Variants in SCNN1B observed in about 807,000 individuals in gnomAD.
SCNN1B encodes the protein epithelial sodium channel subunit beta.
A neutral mutation model predicts 65.3 loss-of-function variants in SCNN1B; 46 were observed. The observed-to-expected ratio is 0.70, with a 90% confidence interval of 0.56 to 0.90. SCNN1B has a LOEUF of 0.90. Among genes scored for constraint, SCNN1B ranks in the 40% least tolerant of loss-of-function variants. The pLI, the probability that SCNN1B is intolerant of heterozygous loss-of-function variation, is 0.00. For missense variants in SCNN1B, 751 were observed against 830.5 expected (o/e 0.90, Z 1.18); for synonymous variants, 349 against 330.6 (o/e 1.06, Z -0.60).
At chr16:23,366,264 G>A (rs1054281214) in intron 4 of SCNN1B, among the ~76,000 whole-genome samples, 3 of 152,072 alleles carry the variant, frequency 2.0e-5, no homozygotes, top group African/African-American at 7.2e-5. Context: ...GAGTACAGTG[G>A]TGCAATCACA....
chr16:23,361,544 A>G (rs529794235), intron 4 of SCNN1B, among the ~76,000 whole-genome samples: 38 of 152,324 alleles, frequency 2.5e-4, no homozygotes, highest in African/African-American at 8.7e-4. Context: ...TATTTATTCC[A>G]TCATTTATTG....
At chr16:23,367,789 G>C in intron 4 of SCNN1B, 67 bp from the exon 5 acceptor site, 1 of 1,221,012 alleles carries the variant, frequency 8.2e-7, no homozygotes. Flanking sequence ...AAAGGTGGAC[G>C]GCAGACAGTC....
chr16:23,349,232 C>A (rs895951149), intron 2 of SCNN1B, among the ~76,000 whole-genome samples: 1 of 152,130 alleles, frequency 6.6e-6, no homozygotes. Context: ...AATAACAGCA[C>A]TTTGAGAGGC....
intron 1 of SCNN1B, chr16:23,323,491 A>C: frequency 2.8e-6 from 2 of 702,218 alleles, no homozygotes; most frequent in Non-Finnish European, 5.2e-6. Flanking sequence ...GGTGCTTCAT[A>C]TTTACAATTT....
chr16:23,374,646 T>C (rs1962855601), intron 7 of SCNN1B, among the ~76,000 whole-genome samples: 1 of 149,324 alleles, frequency 6.7e-6, no homozygotes, highest in African/African-American at 2.5e-5. Context: ...CTCCTGGCCA[T>C]GCCGTTTAAT....
At chr16:23,321,195 C>T (rs917378182) in intron 1 of SCNN1B, among the ~76,000 whole-genome samples, 1 of 152,154 alleles carries the variant, frequency 6.6e-6, no homozygotes, top group South Asian at 2.1e-4. Context: ...GGGTGTGCCA[C>T]CATGGCCAGC....
chr16:23,300,394 A>T (rs1961058139), upstream of SCNN1B, among the ~76,000 whole-genome samples: 1 of 152,194 alleles, frequency 6.6e-6, no homozygotes, highest in Non-Finnish European at 1.5e-5. Flanking sequence ...AAGTTATATG[A>T]AGCTGAATTT....
At chr16:23,355,905 A>G (rs1435218242) in intron 4 of SCNN1B, among the ~76,000 whole-genome samples, 1 of 152,088 alleles carries the variant, frequency 6.6e-6, no homozygotes, top group African/African-American at 2.4e-5. Context: ...AGCCTGGGTA[A>G]TATAGTGAGA....
At chr16:23,321,630 G>T (rs1278851379) in intron 1 of SCNN1B, among the ~76,000 whole-genome samples, 1 of 152,196 alleles carries the variant, frequency 6.6e-6, no homozygotes, top group African/African-American at 2.4e-5. Flanking sequence ...ACCCCCCGGA[G>T]CATTGACTCA....
At chr16:23,329,369 G>A (rs1226355934) in intron 1 of SCNN1B, among the ~76,000 whole-genome samples, 1 of 152,116 alleles carries the variant, frequency 6.6e-6, no homozygotes, top group African/African-American at 2.4e-5. Flanking sequence ...TCCCACCTCG[G>A]CCTCCCAAAG....
chr16:23,365,653 G>T (rs949965205), intron 4 of SCNN1B, among the ~76,000 whole-genome samples: 30 of 151,346 alleles, frequency 2.0e-4, no homozygotes, highest in Non-Finnish European at 3.2e-4. Flanking sequence ...AAGGAGAGGG[G>T]GGTTGATAGG....
chr16:23,358,529 T>C (rs1350460254), intron 4 of SCNN1B: 1 of 152,182 alleles, frequency 6.6e-6, no homozygotes, highest in African/African-American at 2.4e-5. Flanking sequence ...GAATATTAAG[T>C]GAATTAATAT....
intron 1 of SCNN1B, among the ~76,000 whole-genome samples, chr16:23,314,957 C>T (rs908090114): frequency 7.2e-5 from 11 of 152,178 alleles, no homozygotes; most frequent in South Asian, 2.1e-4. Flanking sequence ...ACGCGTGGCC[C>T]AGACCAGGGC....
In SCNN1B at chr16:23,348,953, G is replaced by T; in HGVS notation, c.311+43G>T. 1 of 1,531,480 alleles carries T rather than the reference G, an allele frequency of 6.5e-7. No homozygotes were observed. 94.9% of individuals were successfully genotyped at this position (1,531,480 alleles called of 1,614,324 possible). On this transcript the variant is annotated intron_variant, in intron 2 of 12. Transcript: ENST00000343070. This position sits in a 1 kb window ranked among gnomAD's most constrained non-coding sequence, Gnocchi z 4.5. ...GCACAGCTGGCCTCAGCAGACAGGC[G>T]GTTCTCTTTCTCTCTTTTCTTCCCT...
At chr16:23,309,255 G>A (rs535614249) in intron 1 of SCNN1B, among the ~76,000 whole-genome samples, 1 of 152,170 alleles carries the variant, frequency 6.6e-6, no homozygotes, top group Non-Finnish European at 1.5e-5. Flanking sequence ...CTGAGGGCCT[G>A]GGGCAAACTC....
chr16:23,371,893 T>C lies in SCNN1B; in HGVS notation c.1152+10T>C, dbSNP rs72654341. On this transcript the variant is annotated intron_variant, in intron 7 of 12. Coordinates refer to ENST00000343070, the MANE Select transcript of SCNN1B (RefSeq NM_000336.3). Reference sequence around the variant, plus strand: ...GACCTACTCCATCCAGGTGGGAAGGTGGTGCACGCCTCATGCCCCGGGGCC... The same window carrying C: ...GACCTACTCCATCCAGGTGGGAAGGCGGTGCACGCCTCATGCCCCGGGGCC... 2.2e-4 allele frequency: 344 copies of C among 1,596,938 alleles called. 2 individuals are homozygous for C. The African/African-American group carries it at 3.7e-3, about 17-fold the overall frequency.
intron 2 of SCNN1B, among the ~76,000 whole-genome samples, chr16:23,286,288 G>A (rs1169571043): frequency 6.6e-6 from 1 of 152,182 alleles, no homozygotes; most frequent in Non-Finnish European, 1.5e-5. Flanking sequence ...GATCATCAAT[G>A]GATGCTGAAA....
intron 1 of SCNN1B, among the ~76,000 whole-genome samples, chr16:23,330,373 C>T (rs573404012): frequency 9.4e-4 from 143 of 152,176 alleles, no homozygotes; most frequent in African/African-American, 3.3e-3. Flanking sequence ...CATTGGCCCA[C>T]GTGTGAGGTT....
At chr16:23,325,916 AATAAAT>A (rs1212653527) in intron 1 of SCNN1B, among the ~76,000 whole-genome samples, 184 of 127,408 alleles carry the variant, frequency 1.4e-3, no homozygotes, top group African/African-American at 6.0e-3. Context: ...TAAATAAATA[AATAAAT>A]ATAAATAAAA....
Sources: allele counts gnomAD v4.1 joint callset (sites outside exome capture counted in the v4.1 genomes callset), GRCh38; gene constraint gnomAD v4.1.1; non-coding constraint Gnocchi (gnomAD v3.1); transcripts MANE v1.5; gene names NCBI Gene and HGNC (gene_info 2026-07-23, HGNC 2026-07-21).